ATF3: variants seen among roughly 807,000 people sequenced by gnomAD.
The protein encoded by ATF3 is activating transcription factor 3, also known as cyclic AMP-dependent transcription factor ATF-3.
In ATF3, 10 loss-of-function variants were observed where a neutral mutation model predicts 18.4. The observed-to-expected ratio is 0.54, with a 90% CI of 0.34 to 0.92. ATF3 has a LOEUF of 0.92. Among genes scored for constraint, ATF3 ranks in the 40% least tolerant of loss-of-function variants. The pLI is 0.02. For missense variants in ATF3, 183 were observed against 222.3 expected, an observed-to-expected ratio of 0.82 and a Z score of 1.12; for synonymous variants, 78 against 87.9, an observed-to-expected ratio of 0.89 and a Z score of 0.63.
At chr1:212,589,873 A>T (rs888117726) in intron 1 of ATF3, among the ~76,000 whole-genome samples, 6 of 149,336 alleles carry the variant, frequency 4.0e-5, no homozygotes. Context: ...CTTGTGATTT[A>T]TGATTACTCT....
At chr1:212,569,888 A>G (rs1037315889) in intron 1 of ATF3, among the ~76,000 whole-genome samples, 10 of 152,304 alleles carry the variant, frequency 6.6e-5, no homozygotes, top group African/African-American at 2.2e-4. Flanking sequence ...AAGAATCAAC[A>G]TATTTCTCAA....
intron 1 of ATF3, among the ~76,000 whole-genome samples, chr1:212,592,002 C>T (rs1664896097): frequency 1.3e-5 from 2 of 152,084 alleles, no homozygotes; most frequent in Non-Finnish European, 2.9e-5. Flanking sequence ...GTACAAAGTA[C>T]ATAACATAAA....
chr1:212,593,747 A>ATT (rs1664935449), intron 1 of ATF3, among the ~76,000 whole-genome samples: 3 of 38,184 alleles, frequency 7.9e-5, no homozygotes, highest in East Asian at 1.6e-3. Context: ...TCTCTTTAAA[A>ATT]AAAAAAAAAA....
chr1:212,619,472 G>A lies in ATF3; in HGVS notation c.463G>A (p.Val155Ile). 1 of 1,614,196 alleles carries A rather than the reference G, an allele frequency of 6.2e-7. No homozygotes were observed. Among genetic ancestry groups the A allele is most frequent in the Non-Finnish European group, 8.5e-7 (1 of 1,180,026 alleles). The change falls in exon 4 of 4, where the codon GTC becomes ATC. Residue 155 changes from valine to isoleucine, a missense_variant. Transcript: ENST00000341491. This position sits in a 1 kb window ranked among gnomAD's most constrained non-coding sequence, Gnocchi z 4.4. Reference sequence around the variant, plus strand: ...CAACCTTCATCGGCCCACGTGTATTGTCCGGGCTCAGAATGGGAGGACTCC... The same window carrying A: ...CAACCTTCATCGGCCCACGTGTATTATCCGGGCTCAGAATGGGAGGACTCC... ...MLNLHRPTCI[V>I]RAQNGRTPED...
At chr1:212,601,570 G>T (rs1654485276) in intron 1 of ATF3, among the ~76,000 whole-genome samples, 1 of 152,178 alleles carries the variant, frequency 6.6e-6, no homozygotes, top group African/African-American at 2.4e-5. Context: ...TAACCTTTCT[G>T]TGCTTTGGTT....
At chr1:212,613,085 A>C (rs1486070257) in intron 1 of ATF3, among the ~76,000 whole-genome samples, 2 of 152,216 alleles carry the variant, frequency 1.3e-5, no homozygotes, top group Admixed American at 1.3e-4. Flanking sequence ...GTGGGCTTCA[A>C]ATCTTCATCT....
chr1:212,609,004 A>C (rs968646210), intron 1 of ATF3, 74 bp downstream of exon 1: 1 of 151,638 alleles, frequency 6.6e-6, no homozygotes, highest in Non-Finnish European at 1.5e-5. Context: ...CCCTCTAAGT[A>C]ACCAGTCCGC....
At chr1:212,591,798 G>A (rs970598133) in intron 1 of ATF3, among the ~76,000 whole-genome samples, 4 of 152,076 alleles carry the variant, frequency 2.6e-5, no homozygotes, top group African/African-American at 7.2e-5. Flanking sequence ...GGGTGGTAGG[G>A]TAGGATGGGC....
intron 1 of ATF3, among the ~76,000 whole-genome samples, chr1:212,592,733 C>G (rs1306849208): frequency 2.0e-5 from 3 of 151,922 alleles, no homozygotes; most frequent in African/African-American, 7.3e-5. Context: ...GGGCTGTGTG[C>G]TTTCTATTAC....
At chr1:212,601,938 A>G (rs916128800) in intron 1 of ATF3, among the ~76,000 whole-genome samples, 1 of 152,116 alleles carries the variant, frequency 6.6e-6, no homozygotes, top group African/African-American at 2.4e-5. Context: ...GGGGGTATAT[A>G]GTAGGTGTAT....
intron 1 of ATF3, among the ~76,000 whole-genome samples, chr1:212,598,070 C>T (rs1300577569): frequency 6.6e-6 from 1 of 152,100 alleles, no homozygotes; most frequent in Non-Finnish European, 1.5e-5. Context: ...TTAGTTTTTG[C>T]CTTCATGAAA....
At chr1:212,583,640 G>A (rs1571763371) in intron 1 of ATF3, among the ~76,000 whole-genome samples, 2 of 152,160 alleles carry the variant, frequency 1.3e-5, no homozygotes, top group South Asian at 4.1e-4. Flanking sequence ...GAAGAAACAC[G>A]ACCACTGTCG....
intron 1 of ATF3, among the ~76,000 whole-genome samples, chr1:212,585,023 C>A (rs546390211): frequency 1.3e-5 from 2 of 152,290 alleles, no homozygotes; most frequent in South Asian, 2.1e-4. Context: ...CCCTCTCCAA[C>A]CTGTCAGATA....
upstream of ATF3, among the ~76,000 whole-genome samples, chr1:212,604,624 G>A (rs932119325): frequency 7.9e-5 from 12 of 152,162 alleles, no homozygotes; most frequent in African/African-American, 2.9e-4. Context: ...GTCTGTCCTT[G>A]TTCTATTCAG....
intron 1 of ATF3, among the ~76,000 whole-genome samples, chr1:212,565,889 A>G (rs988699946): frequency 1.8e-4 from 27 of 152,144 alleles, no homozygotes. Flanking sequence ...ATTACTCATA[A>G]TGGGAAGCCA....
At chr1:212,571,021 A>T (rs2102619666) in intron 1 of ATF3, among the ~76,000 whole-genome samples, 1 of 152,292 alleles carries the variant, frequency 6.6e-6, no homozygotes, top group East Asian at 1.9e-4. Flanking sequence ...TGTATATTTC[A>T]TTTTATAAGA....
upstream of ATF3, among the ~76,000 whole-genome samples, chr1:212,606,926 G>T (rs1224085696): frequency 6.6e-6 from 1 of 152,190 alleles, no homozygotes; most frequent in Non-Finnish European, 1.5e-5. Context: ...GCGTGGAAGC[G>T]GAGGGTGGGG....
upstream of ATF3, among the ~76,000 whole-genome samples, chr1:212,607,355 G>A (rs956999065): frequency 1.3e-5 from 2 of 152,324 alleles, no homozygotes; most frequent in East Asian, 3.9e-4. Flanking sequence ...TCCCTCCCAG[G>A]CAGGTGCGAA....
In ATF3 at chr1:212,575,511, A is replaced by G. The variant is rs74761396; in HGVS notation, c.-5+10028A>G. ...CAGCCTCTAATCTTTCTCTTTTTCC[A>G]TTGTTTTATATTACATCAGTTAAGA... On this transcript the variant is annotated intron_variant, in intron 1 of 3. Coordinates refer to the ATF3 transcript ENST00000366981. 3.3e-5 allele frequency among the ~76,000 whole-genome samples: 5 copies of G among 152,106 alleles called. No homozygotes were observed. In the East Asian group the frequency reaches 9.6e-4, roughly 29 times the overall value.
Sources: allele counts gnomAD v4.1 joint callset (sites outside exome capture counted in the v4.1 genomes callset), GRCh38; gene constraint gnomAD v4.1.1; non-coding constraint Gnocchi (gnomAD v3.1); transcripts MANE v1.5; gene names NCBI Gene and HGNC (gene_info 2026-07-23, HGNC 2026-07-21).